The following CNTN3 variants were observed in gnomAD, a reference collection of about 807,000 sequenced individuals.
The protein encoded by CNTN3 is contactin-3.
Under a neutral mutation model 119.1 loss-of-function variants are expected in CNTN3, and 60 were observed. The ratio of observed to expected loss-of-function variants is 0.50; its 90% CI spans 0.41 to 0.62. The LOEUF (loss-of-function observed/expected upper bound fraction) is 0.62. Among genes scored for constraint, CNTN3 ranks in the 20% least tolerant of loss-of-function variants. The pLI, the probability that CNTN3 is intolerant of heterozygous loss-of-function variation, is 0.00. For synonymous variants in CNTN3, 450 were observed against 438.7 expected, an observed-to-expected ratio of 1.03 and a Z score of -0.32; for missense variants, 1,101 against 1,242.4, an observed-to-expected ratio of 0.89 and a Z score of 1.71.
chr3:74,391,486 A>T (rs1020547073), intron 5 of CNTN3, among the ~76,000 whole-genome samples: 7 of 151,722 alleles, frequency 4.6e-5, no homozygotes, highest in African/African-American at 1.5e-4. Context: ...TGTAAAGTAC[A>T]TCTCTGTGGC....
At chr3:74,427,687 A>G (rs1182907044) in intron 4 of CNTN3, among the ~76,000 whole-genome samples, 2 of 152,172 alleles carry the variant, frequency 1.3e-5, no homozygotes, top group Non-Finnish European at 2.9e-5. Flanking sequence ...CCCCAACATC[A>G]GAAATTCGAG....
intron 1 of CNTN3, among the ~76,000 whole-genome samples, chr3:74,564,532 C>T (rs969612490): frequency 2.0e-5 from 3 of 150,666 alleles, no homozygotes; most frequent in African/African-American, 4.9e-5. Flanking sequence ...AGTTACAGAG[C>T]TGTTTCAATA....
chr3:74,547,064 T>C (rs1334603384), intron 1 of CNTN3, among the ~76,000 whole-genome samples: 2 of 152,220 alleles, frequency 1.3e-5, no homozygotes, highest in African/African-American at 4.8e-5. Flanking sequence ...GTTAACAAAC[T>C]AATAGAACAA....
chr3:74,332,953 C>T (rs1259849590), intron 13 of CNTN3, among the ~76,000 whole-genome samples: 1 of 152,170 alleles, frequency 6.6e-6, no homozygotes, highest in East Asian at 1.9e-4. Flanking sequence ...TGTAAGACAG[C>T]CTGAGTATGG....
intron 1 of CNTN3, among the ~76,000 whole-genome samples, chr3:74,580,353 G>C (rs962428977): frequency 6.6e-6 from 1 of 152,014 alleles, no homozygotes; most frequent in African/African-American, 2.4e-5. Context: ...AAACATAGAG[G>C]AAGAAGGAAC....
intron 1 of CNTN3, among the ~76,000 whole-genome samples, chr3:74,566,784 C>T (rs1029150148): frequency 9.2e-5 from 14 of 152,298 alleles, no homozygotes; most frequent in Admixed American, 8.5e-4. Context: ...CAATTCAACA[C>T]ACAGCAATAG....
intron 20 of CNTN3, among the ~76,000 whole-genome samples, chr3:74,280,547 C>A (rs149441333): frequency 3.3e-5 from 5 of 152,288 alleles, no homozygotes; most frequent in Non-Finnish European, 7.4e-5. Context: ...GTGTGACTGG[C>A]CAAGAGACAA....
chr3:74,546,385 G>A (rs559649624), intron 1 of CNTN3, among the ~76,000 whole-genome samples: 1 of 152,294 alleles, frequency 6.6e-6, no homozygotes, highest in African/African-American at 2.4e-5. Flanking sequence ...TTGTTCCTGG[G>A]TGTATCTGTG....
intron 20 of CNTN3, among the ~76,000 whole-genome samples, chr3:74,283,940 C>T (rs995831489): frequency 1.3e-5 from 2 of 152,058 alleles, no homozygotes; most frequent in Admixed American, 1.3e-4. Context: ...TTACATTAGT[C>T]GGTTGCTTAC....
chr3:74,547,795 T>C (rs1703935730), intron 1 of CNTN3, among the ~76,000 whole-genome samples: 1 of 152,168 alleles, frequency 6.6e-6, no homozygotes, highest in Non-Finnish European at 1.5e-5. Flanking sequence ...ACATTCTCCA[T>C]ATGATAGCTT....
At chr3:74,559,006 T>TAATAATAATAATAAA (rs1432385887) in intron 1 of CNTN3, among the ~76,000 whole-genome samples, 2 of 149,826 alleles carry the variant, frequency 1.3e-5, no homozygotes, top group South Asian at 2.1e-4. Context: ...ATAATAATAA[T>TAATAATAATAATAAA]AGTAACTGCA....
At chr3:74,316,742 G>A (rs554624772) in intron 13 of CNTN3, among the ~76,000 whole-genome samples, 4 of 152,090 alleles carry the variant, frequency 2.6e-5, no homozygotes, top group South Asian at 2.1e-4. Context: ...TGGCTAACAC[G>A]GTGAAACCCT....
chr3:74,398,435 G>A (rs868477990), intron 5 of CNTN3, among the ~76,000 whole-genome samples: 1 of 152,306 alleles, frequency 6.6e-6, no homozygotes. Flanking sequence ...TTAAATTAAG[G>A]TATGTACATT....
rs550157954 is a variant in CNTN3, at chr3:74,404,792, A to T, written c.454+20053T>A. Among the ~76,000 whole-genome samples the T allele has an allele frequency of 6.5e-5, 8 of 123,500 alleles. No homozygotes were observed. In the East Asian group the frequency reaches 7.8e-4, roughly 12 times the overall value. The allele number at this position is 123,500 out of a possible 152,430, so 81.0% of individuals were successfully genotyped here. A position where few individuals can be genotyped will look rare whatever the true frequency, so the allele number is the denominator to read the frequency against. On this transcript the variant is annotated intron_variant, in intron 5 of 22. Transcript: ENST00000263665. ...TACTGCTGAATACTAAAGCAGTTAT[A>T]AAAAAAAATAGTCTATTTAAAATTC...
chr3:74,521,008 C>G, intron 2 of CNTN3, 50 bp downstream of exon 2: 1 of 1,098,478 alleles, frequency 9.1e-7, no homozygotes. Context: ...AAGCATATGA[C>G]TCGAGTATAC....
At chr3:74,569,858 G>A (rs1346234102) in intron 1 of CNTN3, among the ~76,000 whole-genome samples, 2 of 152,112 alleles carry the variant, frequency 1.3e-5, no homozygotes, top group Non-Finnish European at 2.9e-5. Flanking sequence ...GTTGTTGGCA[G>A]AATTTAATTC....
chr3:74,493,058 C>A (rs967342349), intron 3 of CNTN3, among the ~76,000 whole-genome samples: 1 of 152,082 alleles, frequency 6.6e-6, no homozygotes, highest in African/African-American at 2.4e-5. Context: ...TGCCAATAAA[C>A]AATCTTAAAG....
intron 13 of CNTN3, among the ~76,000 whole-genome samples, chr3:74,312,852 T>C (rs564263485): frequency 6.6e-5 from 10 of 152,254 alleles, no homozygotes; most frequent in Admixed American, 1.3e-4. Flanking sequence ...AAGAGTAAGA[T>C]ATAGCAGGAA....
intron 5 of CNTN3, among the ~76,000 whole-genome samples, chr3:74,387,021 A>C (rs1436678687): frequency 6.6e-6 from 1 of 152,166 alleles, no homozygotes; most frequent in Non-Finnish European, 1.5e-5. Context: ...CAACTGGAGG[A>C]GCTTAAGATA....
Sources: gnomAD v4.1 joint callset for allele counts (sites outside exome capture counted in the v4.1 genomes callset) on GRCh38, gnomAD v4.1.1 for gene constraint, MANE v1.5 for transcripts, NCBI Gene and HGNC (gene_info 2026-07-23, HGNC 2026-07-21) for gene names.